The following ADAM12 variants were observed in gnomAD, a reference collection of about 807,000 sequenced individuals.
ADAM12 encodes disintegrin and metalloproteinase domain-containing protein 12.
ADAM12 carries 70 observed loss-of-function variants against 106.4 expected under a neutral mutation model. That is an observed-to-expected ratio of 0.66 (90% CI 0.54 to 0.80). ADAM12 has a LOEUF of 0.80. Ranked by LOEUF, ADAM12 falls within the 30% of genes least tolerant of loss-of-function variation. ADAM12 has a pLI of 0.00. For missense variants in ADAM12, 1,010 were observed against 1,171.9 expected, an observed-to-expected ratio of 0.86 and a Z score of 2.02; for synonymous variants, 420 against 433.5, an observed-to-expected ratio of 0.97 and a Z score of 0.39.
intron 3 of ADAM12, among the ~76,000 whole-genome samples, chr10:126,212,252 A>G (rs183183099): frequency 6.6e-6 from 1 of 152,380 alleles, no homozygotes. Flanking sequence ...TGAAAATTCA[A>G]TCTGAGTATG....
chr10:126,222,918 G>A (rs1477315759), intron 3 of ADAM12, among the ~76,000 whole-genome samples: 7 of 152,166 alleles, frequency 4.6e-5, no homozygotes, highest in African/African-American at 1.2e-4. Context: ...TGGGAAATTA[G>A]ACTTGCAATA....
At chr10:126,237,966 G>A (rs1958450923) in intron 3 of ADAM12, among the ~76,000 whole-genome samples, 1 of 152,190 alleles carries the variant, frequency 6.6e-6, no homozygotes, top group African/African-American at 2.4e-5. Context: ...ATTTAGGGAT[G>A]AATGATAAAA....
At chr10:126,367,958 AATAAT>A (rs1344337264) in intron 1 of ADAM12, among the ~76,000 whole-genome samples, 15 of 152,050 alleles carry the variant, frequency 9.9e-5, no homozygotes, top group South Asian at 8.3e-4. Context: ...AAAACTAGAC[AATAAT>A]ATAATAAGAA....
At chr10:126,137,776 T>C (rs1956433394) in intron 4 of ADAM12, among the ~76,000 whole-genome samples, 1 of 152,256 alleles carries the variant, frequency 6.6e-6, no homozygotes, top group Non-Finnish European at 1.5e-5. Flanking sequence ...ATATTTTGCT[T>C]ATCCAAGTGT....
At chr10:126,110,482 A>G (rs1955849834) in intron 6 of ADAM12, among the ~76,000 whole-genome samples, 1 of 151,206 alleles carries the variant, frequency 6.6e-6, no homozygotes, top group Non-Finnish European at 1.5e-5. Context: ...TATGAGGAGA[A>G]AAAAAAAAGA....
intron 3 of ADAM12, among the ~76,000 whole-genome samples, chr10:126,265,973 T>A (rs924841101): frequency 6.6e-6 from 1 of 152,198 alleles, no homozygotes; most frequent in Non-Finnish European, 1.5e-5. Flanking sequence ...CTTTTAGGTG[T>A]GATAAAAATA....
At chr10:126,292,145 A>G (rs1590741304) in intron 2 of ADAM12, among the ~76,000 whole-genome samples, 1 of 152,052 alleles carries the variant, frequency 6.6e-6, no homozygotes, top group Non-Finnish European at 1.5e-5. Context: ...ACAAGCCACA[A>G]TCAGCAGATC....
chr10:126,148,594 C>T (rs1425888476), intron 4 of ADAM12, among the ~76,000 whole-genome samples: 1 of 152,160 alleles, frequency 6.6e-6, no homozygotes, highest in Non-Finnish European at 1.5e-5. Flanking sequence ...AAAGAAAAGT[C>T]ACCATTTTTC....
chr10:126,278,181 T>C (rs1959367268), intron 3 of ADAM12, among the ~76,000 whole-genome samples: 1 of 152,190 alleles, frequency 6.6e-6, no homozygotes, highest in Non-Finnish European at 1.5e-5. Flanking sequence ...TACATACAGA[T>C]TGCTTATTAG....
intron 21 of ADAM12, among the ~76,000 whole-genome samples, chr10:126,033,736 C>T (rs1358717233): frequency 6.6e-6 from 1 of 152,176 alleles, no homozygotes; most frequent in Non-Finnish European, 1.5e-5. Flanking sequence ...TGCCACATCC[C>T]TTCCCTGGAA....
intron 3 of ADAM12, among the ~76,000 whole-genome samples, chr10:126,200,976 G>T (rs990479473): frequency 6.6e-5 from 10 of 152,146 alleles, no homozygotes; most frequent in African/African-American, 2.4e-4. Context: ...TCTGGGCAGG[G>T]CATAAATTTC....
chr10:126,307,002 T>C (rs1590758530), intron 2 of ADAM12, among the ~76,000 whole-genome samples: 2 of 152,340 alleles, frequency 1.3e-5, no homozygotes, highest in East Asian at 3.9e-4. Context: ...TATATGTAGT[T>C]ACACTTTTCA....
intron 14 of ADAM12, among the ~76,000 whole-genome samples, chr10:126,058,888 T>C (rs1954691102): frequency 6.6e-6 from 1 of 152,202 alleles, no homozygotes; most frequent in South Asian, 2.1e-4. Flanking sequence ...AAAATGTCTG[T>C]CTTCATGAAG....
rs58414041 is a variant in ADAM12, at chr10:126,243,481, GTGAGTGTA to G, written c.260+35426_260+35433del. 5.6e-3 allele frequency among the ~76,000 whole-genome samples: 497 copies of G among 88,460 alleles called. 4 individuals are homozygous for G. The highest frequency in any genetic ancestry group is 0.018 in the African/African-American group (466 of 26,230). The allele number at this position is 88,460 out of a possible 152,430, so 58.0% of individuals were successfully genotyped here. A position where few individuals can be genotyped will look rare whatever the true frequency, so the allele number is the denominator to read the frequency against. On this transcript the variant is annotated intron_variant, in intron 3 of 22. Coordinates refer to ENST00000448723, the MANE Select transcript of ADAM12 (RefSeq NM_001288973.2). The stretch of plus-strand genomic sequence containing the variant: ...ACCAGTGGGGAGCAACTCTGTGTGT[GTGAGTGTA>G]TGTGTGTGTGTGTGTGTGTGTGTGT...
chr10:126,350,629 T>C (rs1367314506), intron 1 of ADAM12, among the ~76,000 whole-genome samples: 2 of 152,254 alleles, frequency 1.3e-5, no homozygotes, highest in African/African-American at 2.4e-5. Flanking sequence ...CTGTTGTCAG[T>C]GGCAGTCTTG....
intron 2 of ADAM12, among the ~76,000 whole-genome samples, chr10:126,309,694 C>T (rs1960997626): frequency 1.3e-5 from 2 of 152,134 alleles, no homozygotes; most frequent in Admixed American, 1.3e-4. Flanking sequence ...ATCAATAAGC[C>T]ACTAAGCTTT....
intron 11 of ADAM12, among the ~76,000 whole-genome samples, chr10:126,075,088 G>C (rs758388366): frequency 2.0e-5 from 3 of 152,120 alleles, no homozygotes; most frequent in African/African-American, 7.2e-5. Flanking sequence ...CCATTTCCTC[G>C]GACTGGGTCA....
At chr10:126,203,387 T>C (rs1388969500) in intron 3 of ADAM12, among the ~76,000 whole-genome samples, 4 of 152,224 alleles carry the variant, frequency 2.6e-5, no homozygotes, top group Non-Finnish European at 5.9e-5. Context: ...TTAAGGTAAA[T>C]ATTGCAACAG....
chr10:126,149,621 T>C (rs1676714), intron 4 of ADAM12, among the ~76,000 whole-genome samples: 122,476 of 152,174 alleles, frequency 0.8, 49,532 homozygotes, highest in East Asian at 0.96. Flanking sequence ...TAGAATAAAG[T>C]AGGCAGAGGA....
Sources: allele counts gnomAD v4.1 joint callset (sites outside exome capture counted in the v4.1 genomes callset), GRCh38; gene constraint gnomAD v4.1.1; transcripts MANE v1.5; gene names NCBI Gene and HGNC (gene_info 2026-07-23, HGNC 2026-07-21).